Variants in MAST4 observed in about 807,000 individuals in gnomAD.
The protein encoded by MAST4 is microtubule-associated serine/threonine-protein kinase 4.
In MAST4, 89 loss-of-function variants were observed where a neutral mutation model predicts 162.7. The ratio of observed to expected loss-of-function variants is 0.55; its 90% CI spans 0.46 to 0.65. The LOEUF is 0.65. Ranked by LOEUF, MAST4 falls within the 30% of genes least tolerant of loss-of-function variation. The pLI, the probability that MAST4 is intolerant of heterozygous loss-of-function variation, is 0.00. For synonymous variants in MAST4, 1,479 were observed against 1,361.1 expected (o/e 1.09, Z -1.91); for missense variants, 3,153 against 3,374.0 (o/e 0.93, Z 1.62).
intron 1 of MAST4, among the ~76,000 whole-genome samples, chr5:66,741,360 G>A (rs1752467376): frequency 6.6e-6 from 1 of 152,106 alleles, no homozygotes; most frequent in Admixed American, 6.6e-5. Flanking sequence ...ACCACACTTG[G>A]CACATAGTAG....
At chr5:66,911,313 T>G (rs1763743377) in intron 4 of MAST4, among the ~76,000 whole-genome samples, 2 of 152,204 alleles carry the variant, frequency 1.3e-5, no homozygotes, top group South Asian at 2.1e-4. Context: ...AGTCTATATG[T>G]TTGATTTGCA....
intron 2 of MAST4, among the ~76,000 whole-genome samples, chr5:66,778,549 T>G (rs796387751): frequency 1.4e-4 from 21 of 152,352 alleles, no homozygotes; most frequent in African/African-American, 4.8e-4. Context: ...AAATAGTTTT[T>G]TTATGAACAA....
At chr5:67,127,937 A>G (rs1176838516) in intron 14 of MAST4, among the ~76,000 whole-genome samples, 1 of 152,222 alleles carries the variant, frequency 6.6e-6, no homozygotes, top group African/African-American at 2.4e-5. Context: ...CCTTTTCAAG[A>G]AAGCCAGTGT....
At chr5:66,891,447 A>G (rs1274264609) in intron 3 of MAST4, among the ~76,000 whole-genome samples, 1 of 152,088 alleles carries the variant, frequency 6.6e-6, no homozygotes, top group East Asian at 1.9e-4. Flanking sequence ...GCCATGTGAC[A>G]CCCTAATGCC....
In MAST4 at chr5:66,638,362, A is replaced by G. The variant is rs556176912; in HGVS notation, c.363+41344A>G. Among the ~76,000 whole-genome samples, 25 of 152,282 alleles carry G rather than the reference A, an allele frequency of 1.6e-4. No homozygotes were observed. The East Asian group carries it at 4.6e-3, about 28-fold the overall frequency. On this transcript the variant is annotated intron_variant, in intron 1 of 28. Transcript: ENST00000403625. ...TTTCCTTTTCTGTGCTGGCAATCTA[A>G]GTAAGTCAATGATAAAATGCCTCTC...
intron 1 of MAST4, among the ~76,000 whole-genome samples, chr5:66,748,471 CT>C (rs1752927434): frequency 1.1e-4 from 13 of 123,490 alleles, no homozygotes; most frequent in Admixed American, 2.6e-4. Flanking sequence ...TTCCTTCCTT[CT>C]CTTCCTTCTC....
At chr5:66,964,547 A>G (rs1352005234) in intron 4 of MAST4, among the ~76,000 whole-genome samples, 2 of 152,022 alleles carry the variant, frequency 1.3e-5, no homozygotes, top group Non-Finnish European at 2.9e-5. Flanking sequence ...CATGCCTGTA[A>G]TCCCAGCACT....
Position 67,001,322 on chromosome 5 carries a change from C to G in MAST4, c.675-53082C>G, listed in dbSNP as rs2150316114. The G allele has an allele frequency of 2.0e-5, 3 of 152,300 alleles. No individual in the cohort carries two copies. In the South Asian group the frequency reaches 6.2e-4, roughly 32 times the overall value. 9.4% of individuals were successfully genotyped at this position (152,300 alleles called of 1,614,324 possible). A position where few individuals can be genotyped will look rare whatever the true frequency, so the allele number is the denominator to read the frequency against. Reference sequence around the variant, plus strand: ...TCAGTGTCATCTGTACTCTTATCTTCATGAGTGTGGGAATGTACAATCCAC... The same window carrying G: ...TCAGTGTCATCTGTACTCTTATCTTGATGAGTGTGGGAATGTACAATCCAC... On this transcript the variant is annotated intron_variant, in intron 4 of 28. Coordinates refer to ENST00000403625, the MANE Select transcript of MAST4 (RefSeq NM_001164664.2).
chr5:66,788,250 C>T (rs80226630), intron 2 of MAST4, among the ~76,000 whole-genome samples: 1 of 152,308 alleles, frequency 6.6e-6, no homozygotes, highest in African/African-American at 2.4e-5. Flanking sequence ...TCATGATCTC[C>T]ACTTTGTAGA....
chr5:66,846,015 A>G (rs191529707), intron 3 of MAST4, among the ~76,000 whole-genome samples: 1 of 152,162 alleles, frequency 6.6e-6, no homozygotes, highest in African/African-American at 2.4e-5. Flanking sequence ...TTTCATTTCT[A>G]TCACATACCC....
At chr5:66,856,175 AGAG>A (rs1295136542) in intron 3 of MAST4, among the ~76,000 whole-genome samples, 2 of 152,032 alleles carry the variant, frequency 1.3e-5, no homozygotes, top group Non-Finnish European at 2.9e-5. Context: ...CCAAAACAAA[AGAG>A]AGAGAGATAG....
intron 3 of MAST4, among the ~76,000 whole-genome samples, chr5:66,817,435 G>T (rs1230524546): frequency 6.6e-6 from 1 of 152,136 alleles, no homozygotes; most frequent in Non-Finnish European, 1.5e-5. Context: ...ATTAGCTTGA[G>T]TCACAAAAGC....
chr5:67,166,210 C>A lies in MAST4; in HGVS notation c.7031C>A (p.Thr2344Asn). The A allele has an allele frequency of 6.4e-7, 1 of 1,552,890 alleles. No individual in the cohort carries two copies. The highest frequency in any genetic ancestry group is 8.7e-7 in the Non-Finnish European group (1 of 1,147,522). ...CCATCCACTGTGAAAGATTGCCCCA[C>A]CCTGTGCAAACAGACAGACAACAGA... ...PKPSTVKDCPTLCKQTDNRQT... is the reference protein window; with the variant it reads ...PKPSTVKDCPNLCKQTDNRQT... Residue 2344 changes from threonine (T) to asparagine (N), a missense_variant, in exon 29 of 29, where the codon ACC (threonine) becomes AAC (asparagine). By Grantham distance (65) the Thr-to-Asn change is moderately conservative. Transcript: ENST00000403625.
At chr5:67,055,750 TAGC>T (rs1758724028) in intron 5 of MAST4, among the ~76,000 whole-genome samples, 1 of 152,160 alleles carries the variant, frequency 6.6e-6, no homozygotes, top group African/African-American at 2.4e-5. Flanking sequence ...AGACCACTCA[TAGC>T]AGCAGCATCT....
chr5:66,760,611 T>C (rs1174654727), intron 2 of MAST4, among the ~76,000 whole-genome samples: 3 of 152,172 alleles, frequency 2.0e-5, no homozygotes, highest in Non-Finnish European at 4.4e-5. Context: ...TAGATAGACC[T>C]TATCAAGGGG....
At chr5:66,752,042 C>T (rs1232139203) in intron 1 of MAST4, among the ~76,000 whole-genome samples, 2 of 152,050 alleles carry the variant, frequency 1.3e-5, no homozygotes, top group African/African-American at 4.8e-5. Flanking sequence ...TCCAGCCAAA[C>T]TAAGCTTCGT....
At chr5:66,945,404 A>G (rs867308626) in intron 4 of MAST4, among the ~76,000 whole-genome samples, 19 of 152,138 alleles carry the variant, frequency 1.2e-4, no homozygotes, top group African/African-American at 4.3e-4. Flanking sequence ...GCTGTAAATG[A>G]TAAGTCCTCA....
chr5:67,090,591 A>C (rs1179020570), intron 6 of MAST4, among the ~76,000 whole-genome samples: 2 of 150,612 alleles, frequency 1.3e-5, no homozygotes, highest in Non-Finnish European at 2.9e-5. Context: ...CTGCTTTAAC[A>C]GTTTCAAGGC....
chr5:67,167,029 G>C lies in MAST4; in HGVS notation c.7850G>C (p.Ser2617Thr), dbSNP rs773935343. Residue 2617 changes from serine (S) to threonine (T), a missense_variant, in exon 29 of 29, where the codon AGC becomes ACC. By Grantham distance (58) the Ser-to-Thr change is moderately conservative. Coordinates refer to ENST00000403625, the MANE Select transcript of MAST4 (RefSeq NM_001164664.2). ...CGGGGGAAAGAGAGTTTGCGTAGCAGCCCTCACAAAAAGGCCTTGTAACGG... is the reference window on the plus strand; with the variant it reads ...CGGGGGAAAGAGAGTTTGCGTAGCACCCCTCACAAAAAGGCCTTGTAACGG... ...QRRGKESLRS[S>T]PHKKAL The C allele has an allele frequency of 1.9e-6, 3 of 1,594,210 alleles. No homozygotes were observed. The highest frequency in any genetic ancestry group is 2.6e-6 in the Non-Finnish European group (3 of 1,170,018).
Sources: gnomAD v4.1 joint callset for allele counts (sites outside exome capture counted in the v4.1 genomes callset) on GRCh38, gnomAD v4.1.1 for gene constraint, MANE v1.5 for transcripts, NCBI Gene and HGNC (gene_info 2026-07-23, HGNC 2026-07-21) for gene names.